Variants in NCOA2 observed in about 807,000 individuals in gnomAD.
The protein encoded by NCOA2 is class E basic helix-loop-helix protein 75.
NCOA2 carries 21 observed loss-of-function variants against 145.1 expected under a neutral mutation model. That is an observed-to-expected ratio of 0.14 (90% CI 0.10 to 0.21). NCOA2 has a LOEUF of 0.21. Among genes scored for constraint, NCOA2 ranks in the 10% least tolerant of loss-of-function variants. The pLI is 1.00. For synonymous variants in NCOA2, 619 were observed against 637.5 expected, an observed-to-expected ratio of 0.97 and a Z score of 0.44; for missense variants, 1,472 against 1,837.6, an observed-to-expected ratio of 0.80 and a Z score of 3.64.
At chr8:70,436,781 C>T in the NCOA2 span, among the ~76,000 whole-genome samples, 1 of 152,192 alleles carries the variant, frequency 6.6e-6, no homozygotes, top group Admixed American at 6.5e-5. Context: ...ACAACCCTGA[C>T]ACTAAGCAGC....
At chr8:70,136,843 A>G (rs536696121) in intron 15 of NCOA2, among the ~76,000 whole-genome samples, 2 of 152,372 alleles carry the variant, frequency 1.3e-5, no homozygotes, top group Admixed American at 1.3e-4. Context: ...TAAGATTACC[A>G]TAAAGCTGGT....
chr8:70,217,351 G>A (rs561394717), intron 2 of NCOA2, among the ~76,000 whole-genome samples: 5 of 152,178 alleles, frequency 3.3e-5, no homozygotes, highest in East Asian at 3.9e-4. Context: ...CTGGCCCCTC[G>A]GGAAGCTCCT....
intron 1 of NCOA2, among the ~76,000 whole-genome samples, chr8:70,339,903 G>A (rs963928746): frequency 2.0e-5 from 3 of 152,076 alleles, no homozygotes; most frequent in African/African-American, 7.2e-5. Flanking sequence ...AAAACTGAAA[G>A]TGGACCCCTT....
At chr8:70,402,015 G>A (rs1218243366) in intron 1 of NCOA2, 1 of 152,368 alleles carries the variant, frequency 6.6e-6, no homozygotes, top group Non-Finnish European at 1.5e-5. Context: ...CACAACCCCA[G>A]AAATCAAGGA....
At chr8:70,421,412 G>C in the NCOA2 span, among the ~76,000 whole-genome samples, 2 of 151,978 alleles carry the variant, frequency 1.3e-5, no homozygotes, top group Admixed American at 6.6e-5. Flanking sequence ...AAAACAATTA[G>C]CCAGGTGTGG....
intron 1 of NCOA2, among the ~76,000 whole-genome samples, chr8:70,403,050 C>T (rs1814502998): frequency 6.7e-6 from 1 of 148,956 alleles, no homozygotes; most frequent in Admixed American, 6.7e-5. Flanking sequence ...CCCCGCCCCG[C>T]GCTGCAGCTC....
chr8:70,258,857 T>C (rs1349559887), intron 2 of NCOA2, among the ~76,000 whole-genome samples: 2 of 152,204 alleles, frequency 1.3e-5, no homozygotes, highest in East Asian at 1.9e-4. Context: ...TCTTAACATA[T>C]AGTAGGAACT....
chr8:70,358,392 T>C (rs117022102), intron 1 of NCOA2, among the ~76,000 whole-genome samples: 1,909 of 152,264 alleles, frequency 0.013, 18 homozygotes, highest in Non-Finnish European at 0.02. Context: ...ATCAAAACAG[T>C]GTGGTACCAG....
chr8:70,413,655 A>G, the NCOA2 span, among the ~76,000 whole-genome samples: 6 of 152,230 alleles, frequency 3.9e-5, no homozygotes, highest in Non-Finnish European at 8.8e-5. Context: ...ACCACTTGAC[A>G]GAGAGTCTTA....
At chr8:70,329,133 TTC>T (rs1806854976) in intron 1 of NCOA2, among the ~76,000 whole-genome samples, 1 of 152,010 alleles carries the variant, frequency 6.6e-6, no homozygotes, top group Non-Finnish European at 1.5e-5. Context: ...GTTTTCTGGT[TTC>T]TTTTTTTGAG....
chr8:70,452,047 T>A, the NCOA2 span, among the ~76,000 whole-genome samples: 388 of 152,266 alleles, frequency 2.5e-3, 7 homozygotes, highest in Non-Finnish European at 2.7e-3. Flanking sequence ...CCATCACAGC[T>A]CACTGCAACC....
At chr8:70,194,676 C>T (rs1439054768) in intron 4 of NCOA2, among the ~76,000 whole-genome samples, 34 of 109,864 alleles carry the variant, frequency 3.1e-4, no homozygotes, top group African/African-American at 8.5e-4. Flanking sequence ...CTTTTATCTT[C>T]TTTTTTTTTT....
intron 1 of NCOA2, among the ~76,000 whole-genome samples, chr8:70,298,064 T>C (rs1310900939): frequency 6.6e-6 from 1 of 152,244 alleles, no homozygotes; most frequent in African/African-American, 2.4e-5. Flanking sequence ...GGAATGTTTT[T>C]ATAACTAAGC....
chr8:70,427,573 T>G, the NCOA2 span, among the ~76,000 whole-genome samples: 1 of 152,210 alleles, frequency 6.6e-6, no homozygotes, highest in Non-Finnish European at 1.5e-5. Context: ...CTCGATAACC[T>G]GCTGCTTGAA....
chr8:70,194,676 CTTTTTTTTTTT>C (rs199803538), intron 4 of NCOA2, among the ~76,000 whole-genome samples: 7 of 109,906 alleles, frequency 6.4e-5, no homozygotes, highest in Admixed American at 1.9e-4. Context: ...CTTTTATCTT[CTTTTTTTTTTT>C]TTTTTTTTTT....
intron 2 of NCOA2, among the ~76,000 whole-genome samples, chr8:70,288,844 AG>A (rs1826448852): frequency 6.6e-6 from 1 of 152,242 alleles, no homozygotes; most frequent in South Asian, 2.1e-4. Context: ...CAGACAATAA[AG>A]ATTTTATGAA....
At chr8:70,453,893 A>G in the NCOA2 span, among the ~76,000 whole-genome samples, 1 of 152,368 alleles carries the variant, frequency 6.6e-6, no homozygotes, top group South Asian at 2.1e-4. Flanking sequence ...ACAAAGCAAT[A>G]TACTATTACA....
chr8:70,156,103 A>C lies in NCOA2; in HGVS notation c.2262T>G (p.Thr754=). 1 of 1,613,924 alleles carries C rather than the reference A, an allele frequency of 6.2e-7. No individual in the cohort carries two copies. The highest frequency in any genetic ancestry group is 8.5e-7 in the Non-Finnish European group (1 of 1,179,860). ...LLRYLLDKDD[T]KDIGLPEITP... Reference sequence around the variant, plus strand: ...TTATTTCTGGTAAACCAATATCTTTAGTATCATCTTTATCTAGCAAATAGC... The same window carrying C: ...TTATTTCTGGTAAACCAATATCTTTCGTATCATCTTTATCTAGCAAATAGC... Residue 754 remains threonine (T), a synonymous_variant, in exon 11 of 23, where the codon ACT becomes ACG. Coordinates refer to ENST00000452400, the MANE Select transcript of NCOA2 (RefSeq NM_006540.4).
intron 4 of NCOA2, among the ~76,000 whole-genome samples, chr8:70,199,028 A>G (rs116086804): frequency 0.012 from 1,813 of 152,278 alleles, 47 homozygotes; most frequent in African/African-American, 0.042. Flanking sequence ...TTACCTTGAC[A>G]GTCAGCACAA....
Sources: allele counts gnomAD v4.1 joint callset (sites outside exome capture counted in the v4.1 genomes callset), GRCh38; gene constraint gnomAD v4.1.1; transcripts MANE v1.5; gene names NCBI Gene and HGNC (gene_info 2026-07-23, HGNC 2026-07-21).